Variants in KDM6A observed in about 807,000 individuals in gnomAD.
The protein encoded by KDM6A is lysine-specific demethylase 6A.
Under a neutral mutation model 117.6 loss-of-function variants are expected in KDM6A, and 11 were observed. The ratio of observed to expected loss-of-function variants is 0.09; its 90% CI spans 0.06 to 0.15. The LOEUF is 0.15. KDM6A is among the 10% of genes least tolerant of loss of function. KDM6A has a pLI of 1.00. For synonymous variants in KDM6A, 384 were observed against 396.1 expected (o/e 0.97, Z 0.36); for missense variants, 799 against 1,077.3 (o/e 0.74, Z 3.62).
chrX:45,069,704 C>T lies in KDM6A; in HGVS notation c.2205C>T (p.Pro735=), dbSNP rs1417758749. Residue 735 remains proline (P), a synonymous_variant, in exon 18 of 30, where the codon CCC becomes CCT. Transcript: ENST00000611820. ...GTATTCAGAATCAGAACGGACATCC[C>T]ACCCTGCCTAGCAATTCAGTAACAC... The part of the protein sequence containing the change: ...GSGIQNQNGH[P]TLPSNSVTQG... 8.3e-7 allele frequency: 1 copy of T among 1,207,880 alleles called. No homozygotes were observed. Among genetic ancestry groups the T allele is most frequent in the Non-Finnish European group, 1.1e-6 (1 of 894,331 alleles).
intron 5 of KDM6A, among the ~76,000 whole-genome samples, chrX:45,017,665 G>A (rs771265434): frequency 8.9e-6 from 1 of 112,084 alleles, no homozygotes; most frequent in South Asian, 3.7e-4. Flanking sequence ...CAGTAAAGAA[G>A]TCCCATCAAT....
chrX:44,891,940 T>C (rs2033398904), intron 2 of KDM6A, among the ~76,000 whole-genome samples: 2 of 112,608 alleles, frequency 1.8e-5, no homozygotes, highest in Admixed American at 1.9e-4. Context: ...TAGACCAGTA[T>C]AAGCATGCCA....
At chrX:44,880,740 C>T (rs773670895) in intron 2 of KDM6A, among the ~76,000 whole-genome samples, 6 of 109,069 alleles carry the variant, frequency 5.5e-5, no homozygotes, top group Admixed American at 3.9e-4. Context: ...TGCAGTGAGC[C>T]GAGATCGCGC....
chrX:45,057,532 T>C (rs2044124520), intron 10 of KDM6A, among the ~76,000 whole-genome samples: 2 of 111,609 alleles, frequency 1.8e-5, no homozygotes, highest in Admixed American at 9.5e-5. Flanking sequence ...TTTTTCACTG[T>C]CCATAACTAT....
At chrX:44,936,758 A>T (rs1292366193) in intron 2 of KDM6A, among the ~76,000 whole-genome samples, 2 of 112,295 alleles carry the variant, frequency 1.8e-5, no homozygotes, top group Admixed American at 9.5e-5. Context: ...GTAATTTTAT[A>T]TAAGATTTTA....
intron 4 of KDM6A, among the ~76,000 whole-genome samples, chrX:44,994,578 A>G (rs2040775556): frequency 8.9e-6 from 1 of 112,370 alleles, no homozygotes; most frequent in African/African-American, 3.2e-5. Context: ...ATGGGAGTAT[A>G]GATGTTATAA....
At chrX:44,965,345 G>A (rs1164894044) in intron 3 of KDM6A, among the ~76,000 whole-genome samples, 1 of 111,897 alleles carries the variant, frequency 8.9e-6, no homozygotes, top group Non-Finnish European at 1.9e-5. Context: ...CTTTGCATTC[G>A]TAACTTGGCT....
chrX:44,963,378 T>C (rs2038792959), intron 3 of KDM6A, among the ~76,000 whole-genome samples: 1 of 105,661 alleles, frequency 9.5e-6, no homozygotes, highest in Non-Finnish European at 1.9e-5. Context: ...ACCTGGGAGG[T>C]TGAGGAGGTT....
chrX:44,928,709 A>G (rs1386592404), intron 2 of KDM6A, among the ~76,000 whole-genome samples: 1 of 110,889 alleles, frequency 9.0e-6, no homozygotes, highest in African/African-American at 3.3e-5. Flanking sequence ...TTTCTTCACT[A>G]TTTGAATTTT....
At chrX:44,963,483 G>GTGTGTGTGTGTCTGTCTGTC (rs1481840859) in intron 3 of KDM6A, among the ~76,000 whole-genome samples, 483 of 40,820 alleles carry the variant, frequency 0.012, 9 homozygotes, top group African/African-American at 0.035. Context: ...GTGTGTGTGT[G>GTGTGTGTGTGTCTGTCTGTC]TGTCTGTCTG....
intron 3 of KDM6A, among the ~76,000 whole-genome samples, chrX:44,973,829 C>A (rs999113751): frequency 9.1e-6 from 1 of 110,257 alleles, no homozygotes; most frequent in Non-Finnish European, 1.9e-5. Context: ...TTATTTATTT[C>A]TGCTATCGTA....
chrX:45,003,908 C>T (rs1211062991), intron 4 of KDM6A, among the ~76,000 whole-genome samples: 18 of 95,009 alleles, frequency 1.9e-4, no homozygotes, highest in African/African-American at 6.6e-4. Flanking sequence ...TCCACCCCCT[C>T]TTCCACCCCC....
chrX:45,082,528 TGCCAGTTG>T (rs768002828), intron 21 of KDM6A, 40 bp from the exon 22 acceptor site: 204 of 822,141 alleles, frequency 2.5e-4, no homozygotes, highest in Middle Eastern at 1.2e-3. Flanking sequence ...TGGAAAGGAT[TGCCAGTTG>T]TAGAACACTA....
chrX:44,984,492 T>G lies in KDM6A; in HGVS notation c.384+9777T>G, dbSNP rs745947793. On this transcript the variant is annotated intron_variant, in intron 4 of 29. Transcript: ENST00000611820. ...TAGACATGAAGTCCTTGCCCAGGCC[T>G]GTGTCCTGAATGGTATTGCCTAGGT... Among the ~76,000 whole-genome samples the G allele has an allele frequency of 1.1e-4, 12 of 111,932 alleles. No homozygotes were observed. In the South Asian group the frequency reaches 4.5e-3, roughly 42 times the overall value.
chrX:44,893,001 TAAAAAAAAAAAAAA>T (rs35013547), intron 2 of KDM6A, among the ~76,000 whole-genome samples: 1 of 50,243 alleles, frequency 2.0e-5, no homozygotes, highest in African/African-American at 8.0e-5. Context: ...AGACTCCATC[TAAAAAAAAAAAAAA>T]AAAAAAAAAA....
chrX:44,978,548 A>G (rs2039730263), intron 4 of KDM6A, among the ~76,000 whole-genome samples: 1 of 112,146 alleles, frequency 8.9e-6, no homozygotes, highest in African/African-American at 3.2e-5. Flanking sequence ...AAACTTTCTA[A>G]TTAACTTGTC....
chrX:44,911,594 G>A (rs1440732054), intron 2 of KDM6A, among the ~76,000 whole-genome samples: 1 of 111,773 alleles, frequency 8.9e-6, no homozygotes, highest in Non-Finnish European at 1.9e-5. Context: ...GGGCGGCCAG[G>A]GAGAGACGCT....
At chrX:44,992,050 T>C (rs2040615066) in intron 4 of KDM6A, among the ~76,000 whole-genome samples, 1 of 110,257 alleles carries the variant, frequency 9.1e-6, no homozygotes, top group African/African-American at 3.3e-5. Context: ...TCCATATATA[T>C]GTATATTCCT....
intron 24 of KDM6A, among the ~76,000 whole-genome samples, chrX:45,085,008 G>C (rs909924131): frequency 1.5e-4 from 17 of 111,675 alleles, no homozygotes; most frequent in Admixed American, 1.1e-3. Flanking sequence ...GCCAGGATTA[G>C]AACTATTGGT....
Sources: gnomAD v4.1 joint callset for allele counts (sites outside exome capture counted in the v4.1 genomes callset) on GRCh38, gnomAD v4.1.1 for gene constraint, MANE v1.5 for transcripts, NCBI Gene and HGNC (gene_info 2026-07-23, HGNC 2026-07-21) for gene names.